GRAMD1B: variants seen among roughly 807,000 people sequenced by gnomAD.
GRAMD1B encodes protein Aster-B.
In GRAMD1B, 37 loss-of-function variants were observed where a neutral mutation model predicts 99.7. The observed-to-expected ratio is 0.37, with a 90% CI of 0.29 to 0.49. The LOEUF (loss-of-function observed/expected upper bound fraction) is 0.49. Among genes scored for constraint, GRAMD1B ranks in the 20% least tolerant of loss-of-function variants. GRAMD1B has a pLI of 0.98. For synonymous variants in GRAMD1B, 427 were observed against 387.6 expected, an observed-to-expected ratio of 1.10 and a Z score of -1.19; for missense variants, 888 against 1,009.2, an observed-to-expected ratio of 0.88 and a Z score of 1.63.
chr11:123,360,732 ATTCTTTCCTTCC>A (rs1275715510), intron 1 of GRAMD1B, among the ~76,000 whole-genome samples: 2 of 151,144 alleles, frequency 1.3e-5, no homozygotes, highest in East Asian at 2.0e-4. Flanking sequence ...ATGAAATCAC[ATTCTTTCCTTCC>A]TTCTTTCCTT....
intron 1 of GRAMD1B, among the ~76,000 whole-genome samples, chr11:123,414,357 T>C (rs188424622): frequency 6.6e-6 from 1 of 152,308 alleles, no homozygotes; most frequent in East Asian, 1.9e-4. Context: ...ATCATCATCA[T>C]CATTATAATA....
chr11:123,394,161 A>G (rs909307720), intron 1 of GRAMD1B, among the ~76,000 whole-genome samples: 4 of 152,268 alleles, frequency 2.6e-5, no homozygotes, highest in African/African-American at 9.6e-5. Context: ...TGAACCAGAC[A>G]TGTAAATTAG....
rs543177769 is a variant in GRAMD1B, at chr11:123,542,548, A to T, written c.453-34819A>T. 2.8e-3 allele frequency among the ~76,000 whole-genome samples: 421 copies of T among 152,298 alleles called. 1 individual carries two copies. The highest frequency in any genetic ancestry group is 1.0e-2 in the African/African-American group (415 of 41,560). On this transcript the variant is annotated intron_variant, in intron 2 of 19. Coordinates refer to ENST00000635736, the MANE Select transcript of GRAMD1B (RefSeq NM_001387025.1). The stretch of plus-strand genomic sequence containing the variant: ...AGGGAAGTCTCCCTGGGGAAGAAGC[A>T]TTGGGAGCAGAGCTTTGAAGAAAAG...
chr11:123,551,028 A>G (rs1945554430), intron 2 of GRAMD1B, among the ~76,000 whole-genome samples: 3 of 152,172 alleles, frequency 2.0e-5, no homozygotes, highest in Non-Finnish European at 4.4e-5. Flanking sequence ...TTTTATTGGG[A>G]AGTGCTGTTG....
At chr11:123,421,592 T>C (rs910335577) in intron 1 of GRAMD1B, among the ~76,000 whole-genome samples, 3 of 152,204 alleles carry the variant, frequency 2.0e-5, no homozygotes, top group African/African-American at 7.2e-5. Context: ...GATAGCTAAT[T>C]CTTCTTCCAG....
At chr11:123,521,910 G>C (rs532821623) in intron 2 of GRAMD1B, among the ~76,000 whole-genome samples, 1 of 152,170 alleles carries the variant, frequency 6.6e-6, no homozygotes, top group Admixed American at 6.5e-5. Flanking sequence ...AATTTTTGAC[G>C]TTTAAATATT....
intron 2 of GRAMD1B, among the ~76,000 whole-genome samples, chr11:123,514,379 G>A (rs899398911): frequency 2.0e-5 from 3 of 152,154 alleles, no homozygotes; most frequent in Non-Finnish European, 4.4e-5. Flanking sequence ...GAACTTGAGT[G>A]GGTTATCTTG....
chr11:123,446,327 G>A (rs1297043907), intron 1 of GRAMD1B, among the ~76,000 whole-genome samples: 1 of 151,892 alleles, frequency 6.6e-6, no homozygotes. Context: ...CACCACGCCC[G>A]GCTAATATTT....
chr11:123,523,260 C>T (rs956071223), intron 2 of GRAMD1B, among the ~76,000 whole-genome samples: 5 of 152,000 alleles, frequency 3.3e-5, no homozygotes, highest in African/African-American at 7.3e-5. Context: ...TGAACCCTGC[C>T]GGCAGAGGTT....
chr11:123,565,551 A>C (rs924977412), intron 2 of GRAMD1B, among the ~76,000 whole-genome samples: 2 of 152,212 alleles, frequency 1.3e-5, no homozygotes, highest in African/African-American at 4.8e-5. Flanking sequence ...AAAATCAAAG[A>C]GGTTTGGACA....
At position 123,559,254 on chromosome 11, in the gene GRAMD1B, T is replaced by C. The variant is rs557689592; in HGVS notation, c.453-18113T>C. 5.6e-4 allele frequency among the ~76,000 whole-genome samples: 86 copies of C among 152,330 alleles called. No individual in the cohort carries two copies. The South Asian group carries it at 6.2e-3, about 11-fold the overall frequency. ...CAGGCATTGAGCTAACCATCATCATTGTTAGTGTTGTCGGTTTTGTGCTAC... is the reference window on the plus strand; with the variant it reads ...CAGGCATTGAGCTAACCATCATCATCGTTAGTGTTGTCGGTTTTGTGCTAC... On this transcript the variant is annotated intron_variant, in intron 2 of 19. Transcript: ENST00000635736.
intron 1 of GRAMD1B, among the ~76,000 whole-genome samples, chr11:123,463,442 T>A (rs988910197): frequency 6.6e-6 from 1 of 152,252 alleles, no homozygotes; most frequent in African/African-American, 2.4e-5. Context: ...ATGGGAAGGT[T>A]TATTCCTAGT....
At chr11:123,375,328 G>A (rs1444706834) in intron 1 of GRAMD1B, among the ~76,000 whole-genome samples, 1 of 152,176 alleles carries the variant, frequency 6.6e-6, no homozygotes, top group African/African-American at 2.4e-5. Flanking sequence ...GGAGGCTGAG[G>A]CAGAAGGATG....
intron 2 of GRAMD1B, among the ~76,000 whole-genome samples, chr11:123,521,359 C>T (rs1277777514): frequency 6.6e-5 from 10 of 152,038 alleles, no homozygotes; most frequent in Admixed American, 1.3e-4. Context: ...TAACTTAAAT[C>T]GTTTGTCTAT....
At chr11:123,546,020 G>A (rs1332485787) in intron 2 of GRAMD1B, among the ~76,000 whole-genome samples, 2 of 152,264 alleles carry the variant, frequency 1.3e-5, no homozygotes, top group African/African-American at 4.8e-5. Flanking sequence ...AATGTGGACA[G>A]CATCGGCAAG....
intron 1 of GRAMD1B, among the ~76,000 whole-genome samples, chr11:123,467,841 C>CCCTCCCTT (rs1555127666): frequency 4.3e-4 from 47 of 109,366 alleles, no homozygotes; most frequent in African/African-American, 1.7e-3. Flanking sequence ...CTCCCTCCCT[C>CCCTCCCTT]CCTTCCTTCC....
At position 123,513,601 on chromosome 11, in the gene GRAMD1B, C is replaced by CTTTCTTTCTTTCTTTCTTTCTTTCTTT. The variant is rs1591772451; in HGVS notation, c.452+32708_452+32709insTTTCTTTCTTTCTTTCTTTCTTTCTTT. 1.5e-3 allele frequency among the ~76,000 whole-genome samples: 56 copies of CTTTCTTTCTTTCTTTCTTTCTTTCTTT among 37,368 alleles called. 2 individuals carry two copies. Among genetic ancestry groups the CTTTCTTTCTTTCTTTCTTTCTTTCTTT allele is most frequent in the African/African-American group, 3.6e-3 (52 of 14,472 alleles). 24.5% of individuals were successfully genotyped at this position (37,368 alleles called of 152,430 possible). ...CCTTTCCTTCCTTCCTTCCTTCCTT[C>CTTTCTTTCTTTCTTTCTTTCTTTCTTT]CTTCCTTCCTTCCTTCCTTTCTTTC... On this transcript the variant is annotated intron_variant, in intron 2 of 19. Coordinates refer to ENST00000635736, the MANE Select transcript of GRAMD1B (RefSeq NM_001387025.1).
chr11:123,545,275 C>T (rs1025262113), intron 2 of GRAMD1B, among the ~76,000 whole-genome samples: 3 of 152,222 alleles, frequency 2.0e-5, no homozygotes, highest in Non-Finnish European at 4.4e-5. Context: ...CCTGCCCCAC[C>T]CACCCTAGAA....
intron 1 of GRAMD1B, among the ~76,000 whole-genome samples, chr11:123,455,165 A>G (rs1950058307): frequency 6.6e-6 from 1 of 152,224 alleles, no homozygotes; most frequent in African/African-American, 2.4e-5. Flanking sequence ...TTTGCCCAAC[A>G]TATAGAGATG....
Sources: allele counts gnomAD v4.1 joint callset (sites outside exome capture counted in the v4.1 genomes callset), GRCh38; gene constraint gnomAD v4.1.1; transcripts MANE v1.5; gene names NCBI Gene and HGNC (gene_info 2026-07-23, HGNC 2026-07-21).